The following UNC80 variants were observed in gnomAD, a reference collection of about 807,000 sequenced individuals.
UNC80 encodes unc-80 subunit of NALCN channel complex.
UNC80 carries 164 observed loss-of-function variants against 384.6 expected under a neutral mutation model. The ratio of observed to expected loss-of-function variants is 0.43; its 90% confidence interval spans 0.38 to 0.49. The LOEUF is 0.49. Ranked by LOEUF, UNC80 falls within the 20% of genes least tolerant of loss-of-function variation. The pLI, the probability that UNC80 is intolerant of heterozygous loss-of-function variation, is 0.00. For synonymous variants in UNC80, 1,486 were observed against 1,527.8 expected, an observed-to-expected ratio of 0.97 and a Z score of 0.64; for missense variants, 3,330 against 4,143.0, an observed-to-expected ratio of 0.80 and a Z score of 5.39.
chr2:209,892,157 A>T (rs962003720), intron 26 of UNC80, among the ~76,000 whole-genome samples: 2 of 152,234 alleles, frequency 1.3e-5, no homozygotes, highest in East Asian at 1.9e-4. Flanking sequence ...GACTTAATCT[A>T]TGGGAGTAGA....
At position 209,973,407 on chromosome 2, in the gene UNC80, G is replaced by A. The variant is rs1176116704; in HGVS notation, c.8587+137G>A. On this transcript the variant is annotated intron_variant, in intron 56 of 64. Transcript: ENST00000673920. ...TCCAACTTAACTCAGAAAGAATTTA[G>A]AGAGACCTCAAACCAGAATGTATTT... is the stretch of plus-strand genomic sequence containing the variant. The A allele has an allele frequency of 4.7e-6, 4 of 847,604 alleles. No homozygotes were observed. In the Admixed American group the frequency reaches 1.2e-4, roughly 26 times the overall value. The allele number at this position is 847,604 out of a possible 1,614,324, so 52.5% of individuals were successfully genotyped here.
At chr2:209,899,875 G>A (rs1172731395) in intron 28 of UNC80, among the ~76,000 whole-genome samples, 1 of 152,134 alleles carries the variant, frequency 6.6e-6, no homozygotes, top group Admixed American at 6.5e-5. Context: ...GTGTCAGTCG[G>A]ACTTATTTGG....
chr2:209,890,786 C>T (rs935418882), intron 26 of UNC80, among the ~76,000 whole-genome samples: 2 of 152,138 alleles, frequency 1.3e-5, no homozygotes, highest in African/African-American at 4.8e-5. Context: ...ATTGTAGGTA[C>T]ACAATAAATA....
chr2:209,856,123 C>T (rs1489606253), intron 22 of UNC80, among the ~76,000 whole-genome samples: 1 of 151,966 alleles, frequency 6.6e-6, no homozygotes. Context: ...ATGTTCTTGC[C>T]AACACTGTAT....
At chr2:209,850,976 G>GGAGCAGATT (rs1165561265) in intron 22 of UNC80, among the ~76,000 whole-genome samples, 1 of 151,766 alleles carries the variant, frequency 6.6e-6, no homozygotes, top group Non-Finnish European at 1.5e-5. Flanking sequence ...TGTTCCCAAA[G>GGAGCAGATT]GAGCAGATTA....
In UNC80 at chr2:209,818,982, C is replaced by A. The variant is rs2079946094; in HGVS notation, c.1694-11C>A. 6.5e-7 allele frequency: 1 copy of A among 1,549,702 alleles called. No homozygotes were observed. On this transcript the variant is annotated splice_polypyrimidine_tract_variant and intron_variant, in intron 11 of 64. Coordinates refer to ENST00000673920, the MANE Select transcript of UNC80 (RefSeq NM_001371986.1). ...GTAGGGAGAACTAAGACATTGCTTT[C>A]ATTTTATTAGTGCGATCTCAGATCT... is the stretch of plus-strand genomic sequence containing the variant.
chr2:209,976,036 G>C lies in UNC80; in HGVS notation c.8588-83G>C. 1.4e-6 allele frequency: 2 copies of C among 1,390,708 alleles called. No individual in the cohort carries two copies. The highest frequency in any genetic ancestry group is 1.5e-5 in the South Asian group (1 of 66,926). The allele number at this position is 1,390,708 out of a possible 1,614,324, so 86.1% of individuals were successfully genotyped here. A position where few individuals can be genotyped will look rare whatever the true frequency, so the allele number is the denominator to read the frequency against. ...TTAGAAATTTAGAAAATTTCTAAAG[G>C]TGCATAAAGGGCTCTGGATGTAGGT... On this transcript the variant is annotated intron_variant, in intron 56 of 64. Transcript: ENST00000673920. This position sits in a 1 kb window ranked among gnomAD's most constrained non-coding sequence, Gnocchi z 4.3.
chr2:209,842,458 G>A lies in UNC80; in HGVS notation c.3454+12G>A. The stretch of plus-strand genomic sequence containing the variant: ...CTTCAAGCGTCTTGGTAAATGTCAT[G>A]CATCCTAAGAATTCTATTCAACTTT... On this transcript the variant is annotated intron_variant, in intron 21 of 64. Coordinates refer to ENST00000673920, the MANE Select transcript of UNC80 (RefSeq NM_001371986.1). The A allele has an allele frequency of 1.3e-6, 2 of 1,522,414 alleles. No individual in the cohort carries two copies. The highest frequency in any genetic ancestry group is 1.8e-6 in the Non-Finnish European group (2 of 1,122,394). The allele number at this position is 1,522,414 out of a possible 1,614,324, so 94.3% of individuals were successfully genotyped here. A position where few individuals can be genotyped will look rare whatever the true frequency, so the allele number is the denominator to read the frequency against.
At position 209,839,503 on chromosome 2, in the gene UNC80, A is replaced by G. The variant is rs78350583; in HGVS notation, c.3250+73A>G. 0.019 allele frequency: 28,005 copies of G among 1,474,574 alleles called. 337 individuals carry two copies. The highest frequency in any genetic ancestry group is 0.021 in the Non-Finnish European group (23,171 of 1,082,774). 91.3% of individuals were successfully genotyped at this position (1,474,574 alleles called of 1,614,324 possible). A position where few individuals can be genotyped will look rare whatever the true frequency, so the allele number is the denominator to read the frequency against. On this transcript the variant is annotated intron_variant, in intron 19 of 64. Coordinates refer to ENST00000673920, the MANE Select transcript of UNC80 (RefSeq NM_001371986.1). This position sits in a 1 kb window ranked among gnomAD's most constrained non-coding sequence, Gnocchi z 4.1. ...TGTCCTCAGATCAACTCAGTGATGC[A>G]TAGTAGGGCCGAAAAAGAAGACCTT...
intron 47 of UNC80, among the ~76,000 whole-genome samples, chr2:209,951,028 C>T (rs1462668401): frequency 2.6e-5 from 4 of 151,612 alleles, no homozygotes; most frequent in African/African-American, 4.8e-5. Flanking sequence ...CAAAAATTAG[C>T]GGGGCATGGT....
intron 13 of UNC80, among the ~76,000 whole-genome samples, chr2:209,823,573 C>T (rs2080291485): frequency 6.6e-6 from 1 of 152,102 alleles, no homozygotes; most frequent in Non-Finnish European, 1.5e-5. Flanking sequence ...TAATTCTCCA[C>T]CTAGAGGGGT....
Position 209,872,933 on chromosome 2 carries a change from A to G in UNC80, c.3803A>G (p.Gln1268Arg). Residue 1268 changes from glutamine (Q) to arginine (R), a missense_variant, in exon 23 of 65, where the codon CAG (glutamine) becomes CGG (arginine). Physicochemically the swap from Gln to Arg is conservative, Grantham distance 43 (BLOSUM62 1). Around this residue, in one of 8 missense-constraint regions of UNC80, gnomAD observed 801 missense variants for 950.8 expected, o/e 0.84. Coordinates refer to ENST00000673920, the MANE Select transcript of UNC80 (RefSeq NM_001371986.1). This position sits in a 1 kb window ranked among gnomAD's most constrained non-coding sequence, Gnocchi z 4.1. ...GGCAACAAGCGAAACCAGAAGCTGC[A>G]GTGGAATGCAGCCAAGCTCTTCTAC... ...IVGNKRNQKL[Q>R]WNAAKLFYQW... 5 of 1,551,676 alleles carry G rather than the reference A, an allele frequency of 3.2e-6. No individual in the cohort carries two copies. The highest frequency in any genetic ancestry group is 1.2e-5 in the South Asian group (1 of 84,054).
At chr2:209,946,068 A>G (rs1003682591) in intron 47 of UNC80, 125 bp downstream of exon 47, 6 of 752,628 alleles carry the variant, frequency 8.0e-6, no homozygotes, top group South Asian at 3.8e-5. Context: ...AGCTTTTAGA[A>G]ACTAAATTTA....
At position 209,773,121 on chromosome 2, in the gene UNC80, G is replaced by C. The variant is rs1426304742; in HGVS notation, c.120G>C (p.Lys40Asn). 1 of 1,613,298 alleles carries C rather than the reference G, an allele frequency of 6.2e-7. No individual in the cohort carries two copies. The highest frequency in any genetic ancestry group is 1.3e-5 in the African/African-American group (1 of 74,932). ...TSAFLRPKLG[K>N]QYEASCVSFE... ...CATTTTTGAGGCCCAAACTGGGGAA[G>C]CAATATGAAGCTTCTTGTGTGGTAT... is the stretch of plus-strand genomic sequence containing the variant. Residue 40 changes from lysine (K) to asparagine (N), a missense_variant, in exon 2 of 65, where the codon AAG becomes AAC. Physicochemically the swap from Lys to Asn is moderately conservative, Grantham distance 94 (BLOSUM62 0). Coordinates refer to ENST00000673920, the MANE Select transcript of UNC80 (RefSeq NM_001371986.1).
At position 209,773,108 on chromosome 2, in the gene UNC80, C is replaced by T; in HGVS notation, c.107C>T (p.Pro36Leu). 6.2e-7 allele frequency: 1 copy of T among 1,612,786 alleles called. No individual in the cohort carries two copies. Among genetic ancestry groups the T allele is most frequent in the Non-Finnish European group, 8.5e-7 (1 of 1,179,278 alleles). ...TAATTTTTCAGTGCATTTTTGAGGC[C>T]CAAACTGGGGAAGCAATATGAAGCT... ...LWRQTSAFLR[P>L]KLGKQYEASC... is the part of the protein sequence containing the mutation. Residue 36 changes from proline to leucine, a missense_variant, in exon 2 of 65, where the codon CCC (proline) becomes CTC (leucine). Pro to Leu is a moderately conservative substitution (Grantham distance 98). Coordinates refer to ENST00000673920, the MANE Select transcript of UNC80 (RefSeq NM_001371986.1).
At position 209,835,740 on chromosome 2, in the gene UNC80, G is replaced by A. The variant is rs561515135; in HGVS notation, c.3041+730G>A. Among the ~76,000 whole-genome samples the A allele has an allele frequency of 2.0e-5, 3 of 152,254 alleles. No individual in the cohort carries two copies. The South Asian group carries it at 6.2e-4, about 32-fold the overall frequency. On this transcript the variant is annotated intron_variant, in intron 18 of 64. Coordinates refer to ENST00000673920, the MANE Select transcript of UNC80 (RefSeq NM_001371986.1). ...TTCCCCAAACCTTACTCAGTATTAAGTGATTTTTCTTCCAGGAATCCTGCA... is the reference window on the plus strand; with the variant it reads ...TTCCCCAAACCTTACTCAGTATTAAATGATTTTTCTTCCAGGAATCCTGCA...
In UNC80 at chr2:209,973,104, GCAGA is replaced by G; in HGVS notation, c.8425_8428del (p.Thr2809SerfsTer21). ...AGCAGCCTGAGGTGCAGCTGCTGCTGCAGACAGTCATCAATGTACTCCTCCCACC... is the reference window on the plus strand; with the variant it reads ...AGCAGCCTGAGGTGCAGCTGCTGCTGCAGTCATCAATGTACTCCTCCCACC... On this transcript the variant is annotated frameshift_variant, in exon 56 of 65. Coordinates refer to ENST00000673920, the MANE Select transcript of UNC80 (RefSeq NM_001371986.1). LOFTEE classifies it high-confidence loss of function. 2 of 1,551,630 alleles carry G rather than the reference GCAGA, an allele frequency of 1.3e-6. No homozygotes were observed. The highest frequency in any genetic ancestry group is 1.7e-6 in the Non-Finnish European group (2 of 1,146,998).
At chr2:209,896,215 C>A in intron 27 of UNC80, 98 bp from the exon 28 acceptor site, 1 of 1,075,292 alleles carries the variant, frequency 9.3e-7, no homozygotes, top group Non-Finnish European at 1.4e-6. Context: ...CCATGGTAGT[C>A]TGCCCTAGGA....
chr2:209,931,842 C>A (rs922732552), intron 38 of UNC80, among the ~76,000 whole-genome samples: 11 of 152,152 alleles, frequency 7.2e-5, no homozygotes, highest in African/African-American at 2.4e-4. Flanking sequence ...GAATAAATGT[C>A]CAATCCAGAT....
Sources: allele counts gnomAD v4.1 joint callset (sites outside exome capture counted in the v4.1 genomes callset), GRCh38; gene constraint gnomAD v4.1.1; regional missense constraint gnomAD v4.1.1; non-coding constraint Gnocchi (gnomAD v3.1); transcripts MANE v1.5; gene names NCBI Gene and HGNC (gene_info 2026-07-23, HGNC 2026-07-21).